Variants in WDFY4 observed in about 807,000 individuals in gnomAD.
WDFY4 encodes the protein WD repeat- and FYVE domain-containing protein 4.
In WDFY4, 169 loss-of-function variants were observed where a neutral mutation model predicts 351.9. The observed-to-expected ratio is 0.48, with a 90% CI of 0.42 to 0.55. The LOEUF (loss-of-function observed/expected upper bound fraction) is 0.55. Among genes scored for constraint, WDFY4 ranks in the 20% least tolerant of loss-of-function variants. The probability of loss-of-function intolerance (pLI) is 0.00; values close to 1 mark genes in which losing one functional copy is unlikely to be tolerated. For synonymous variants in WDFY4, 1,622 were observed against 1,574.6 expected, an observed-to-expected ratio of 1.03 and a Z score of -0.71; for missense variants, 3,803 against 3,935.6, an observed-to-expected ratio of 0.97 and a Z score of 0.90.
intron 43 of WDFY4, among the ~76,000 whole-genome samples, chr10:48,885,922 C>T (rs894727103): frequency 1.3e-5 from 2 of 152,106 alleles, no homozygotes; most frequent in African/African-American, 4.8e-5. Context: ...TGATACTTGA[C>T]TTTTTCTCAG....
chr10:48,745,132 A>G (rs974772713), intron 12 of WDFY4, among the ~76,000 whole-genome samples: 3 of 151,948 alleles, frequency 2.0e-5, no homozygotes, highest in Non-Finnish European at 2.9e-5. Context: ...TGTAAGTTTT[A>G]TTTTCAGTAT....
At chr10:48,712,155 C>A (rs2063783514) in intron 2 of WDFY4, among the ~76,000 whole-genome samples, 2 of 152,200 alleles carry the variant, frequency 1.3e-5, no homozygotes, top group African/African-American at 4.8e-5. Flanking sequence ...GGCTCAAGTC[C>A]TGGCTGCATC....
At chr10:48,860,963 A>G (rs2069319387) in intron 39 of WDFY4, among the ~76,000 whole-genome samples, 1 of 152,216 alleles carries the variant, frequency 6.6e-6, no homozygotes, top group East Asian at 1.9e-4. Flanking sequence ...TTTGAGAGCA[A>G]TTGAAAAGAA....
chr10:48,866,528 T>C (rs2069548780), intron 39 of WDFY4, among the ~76,000 whole-genome samples: 3 of 152,190 alleles, frequency 2.0e-5, no homozygotes, highest in Admixed American at 2.0e-4. Context: ...ATTTGAAAAT[T>C]TGCATGTATC....
chr10:48,977,355 A>G (rs1842614214), intron 59 of WDFY4, among the ~76,000 whole-genome samples: 1 of 151,860 alleles, frequency 6.6e-6, no homozygotes, highest in Non-Finnish European at 1.5e-5. Context: ...CTACCCACCT[A>G]CCCATTTATC....
At chr10:48,945,139 G>A (rs1019154239) in intron 49 of WDFY4, among the ~76,000 whole-genome samples, 7 of 152,186 alleles carry the variant, frequency 4.6e-5, no homozygotes, top group African/African-American at 1.7e-4. Flanking sequence ...ACTTTGGGAG[G>A]CCGAAGCAGG....
chr10:48,846,915 A>C (rs1431846748), intron 39 of WDFY4, among the ~76,000 whole-genome samples: 1 of 152,158 alleles, frequency 6.6e-6, no homozygotes, highest in Non-Finnish European at 1.5e-5. Context: ...AAGCCCGAAG[A>C]AGAGATCTCC....
rs961123130 is a variant in WDFY4, at chr10:48,875,093, G to A, written c.6953G>A (p.Ser2318Asn). The change falls in exon 42 of 62, where the codon AGC becomes AAC. Residue 2318 changes from serine (S) to asparagine (N), a missense_variant. This residue lies in a region of WDFY4 where 3,054 missense variants were observed against 3,148.6 expected (regional missense o/e 0.97). Transcript: ENST00000325239. ...TTTTCAATGTCCTTATTTCAGGAAA[G>A]CCAAGACAAAAATGATCATATTTCT... is the stretch of plus-strand genomic sequence containing the variant. The part of the protein sequence containing the change: ...EALSSGRHKE[S>N]QDKNDHISQT... 15 of 1,484,828 alleles carry A rather than the reference G, an allele frequency of 1.0e-5. No individual in the cohort carries two copies. The highest frequency in any genetic ancestry group is 1.4e-5 in the South Asian group (1 of 69,964). The allele number at this position is 1,484,828 out of a possible 1,614,324, so 92.0% of individuals were successfully genotyped here. A position where few individuals can be genotyped will look rare whatever the true frequency, so the allele number is the denominator to read the frequency against.
intron 39 of WDFY4, among the ~76,000 whole-genome samples, chr10:48,863,498 C>G (rs1018929865): frequency 1.3e-5 from 2 of 152,066 alleles, no homozygotes; most frequent in Non-Finnish European, 2.9e-5. Context: ...GAATATCTTC[C>G]TTGAAGAGCA....
chr10:48,958,797 G>C (rs947847513), intron 52 of WDFY4, among the ~76,000 whole-genome samples: 1 of 152,190 alleles, frequency 6.6e-6, no homozygotes, highest in Non-Finnish European at 1.5e-5. Context: ...GGATGACTCA[G>C]CAAGACCTGA....
chr10:48,914,766 C>G (rs2377651), intron 47 of WDFY4, among the ~76,000 whole-genome samples: 22,028 of 152,188 alleles, frequency 0.14, 1,829 homozygotes, highest in Middle Eastern at 0.22. Context: ...TGGCTACAGT[C>G]CAACAGTAGC....
chr10:48,728,679 A>C (rs1161353990), intron 7 of WDFY4, among the ~76,000 whole-genome samples: 1 of 152,262 alleles, frequency 6.6e-6, no homozygotes, highest in Admixed American at 6.5e-5. Context: ...CGCTAAGTGT[A>C]AATGCCCCTC....
At position 48,723,567 on chromosome 10, in the gene WDFY4, G is replaced by A; in HGVS notation, c.591G>A (p.Gln197=). The A allele has an allele frequency of 1.3e-6, 2 of 1,551,880 alleles. No individual in the cohort carries two copies. Among genetic ancestry groups the A allele is most frequent in the South Asian group, 2.4e-5 (2 of 84,044 alleles). ...SDLQVQKMFV[Q]MLLNICSDSQ... Reference sequence around the variant, plus strand: ...TTCAAGTTCAAAAGATGTTCGTGCAGGTGAGTTCAAGGAGGGCCTCCAATT... The same window carrying A: ...TTCAAGTTCAAAAGATGTTCGTGCAAGTGAGTTCAAGGAGGGCCTCCAATT... Residue 197 remains glutamine, a splice_region_variant and synonymous_variant, in exon 5 of 62, where the codon CAG becomes CAA. Coordinates refer to ENST00000325239, the MANE Select transcript of WDFY4 (RefSeq NM_001394531.1).
chr10:48,974,533 C>CAAAAAAAAA (rs1174024738), intron 57 of WDFY4, among the ~76,000 whole-genome samples: 8,517 of 18,882 alleles, frequency 0.45, 3,402 homozygotes, highest in Non-Finnish European at 0.66. Context: ...AAAAAAACAA[C>CAAAAAAAAA]TCATGACATG....
intron 51 of WDFY4, among the ~76,000 whole-genome samples, chr10:48,952,099 T>G (rs1841353620): frequency 2.0e-5 from 3 of 152,258 alleles, no homozygotes; most frequent in Admixed American, 2.0e-4. Context: ...CCATCCTGGC[T>G]GTTGACTTAG....
chr10:48,800,479 G>A (rs2067029796), intron 24 of WDFY4, among the ~76,000 whole-genome samples: 1 of 151,906 alleles, frequency 6.6e-6, no homozygotes. Context: ...TTGAAGCAGG[G>A]AGGGACAAAA....
At chr10:48,906,848 A>G (rs948520834) in intron 47 of WDFY4, among the ~76,000 whole-genome samples, 1 of 152,214 alleles carries the variant, frequency 6.6e-6, no homozygotes, top group African/African-American at 2.4e-5. Context: ...GAGTTACTCT[A>G]ATTGTCCTGA....
intron 1 of WDFY4, among the ~76,000 whole-genome samples, chr10:48,708,856 G>T (rs1332632964): frequency 6.6e-6 from 1 of 152,038 alleles, no homozygotes; most frequent in Non-Finnish European, 1.5e-5. Flanking sequence ...TTAGAATGAG[G>T]AATCTATCCT....
intron 39 of WDFY4, among the ~76,000 whole-genome samples, chr10:48,843,010 A>G (rs971661920): frequency 1.3e-5 from 2 of 152,324 alleles, no homozygotes; most frequent in Admixed American, 1.3e-4. Context: ...CCCTTCCAAC[A>G]AGGAAGGCAC....
Sources: gnomAD v4.1 joint callset for allele counts (sites outside exome capture counted in the v4.1 genomes callset) on GRCh38, gnomAD v4.1.1 for gene constraint, gnomAD v4.1.1 regional missense constraint, MANE v1.5 for transcripts, NCBI Gene and HGNC (gene_info 2026-07-23, HGNC 2026-07-21) for gene names.